Variants in LOC128462377 observed in about 807,000 individuals in gnomAD.
At chr16:89,361,335 G>C in the LOC128462377 span, among the ~76,000 whole-genome samples, 1 of 152,168 alleles carries the variant, frequency 6.6e-6, no homozygotes, top group Non-Finnish European at 1.5e-5. Flanking sequence ...CGGGGGCGGG[G>C]GGTGCTGCAG....
chr16:89,360,044 T>A, the LOC128462377 span, among the ~76,000 whole-genome samples: 1 of 152,112 alleles, frequency 6.6e-6, no homozygotes, highest in Non-Finnish European at 1.5e-5. Flanking sequence ...TTTCTGCTCC[T>A]CTCCCTCCTC....
the LOC128462377 span, chr16:89,396,088 A>C: frequency 6.6e-6 from 1 of 152,244 alleles, no homozygotes; most frequent in South Asian, 2.1e-4. Context: ...AGACAGCTGC[A>C]AGTTCAGCCA....
chr16:89,325,387 A>C, the LOC128462377 span, among the ~76,000 whole-genome samples: 2 of 151,840 alleles, frequency 1.3e-5, no homozygotes, highest in African/African-American at 4.8e-5. Context: ...GCGGTAAGCC[A>C]AGATCATGCC....
At chr16:89,322,855 T>C in the LOC128462377 span, among the ~76,000 whole-genome samples, 1 of 152,222 alleles carries the variant, frequency 6.6e-6, no homozygotes, top group African/African-American at 2.4e-5. Flanking sequence ...TTTTGTTTGT[T>C]TGTTTGTTTG....
At chr16:89,385,487 C>G in the LOC128462377 span, among the ~76,000 whole-genome samples, 1 of 152,118 alleles carries the variant, frequency 6.6e-6, no homozygotes, top group Non-Finnish European at 1.5e-5. Context: ...CAGCACCGGG[C>G]AGAGGGAAGG....
chr16:89,349,812 C>T, the LOC128462377 span, among the ~76,000 whole-genome samples: 1 of 151,136 alleles, frequency 6.6e-6, no homozygotes, highest in African/African-American at 2.4e-5. Context: ...ACTTTAGCTG[C>T]TCTAAAGACA....
the LOC128462377 span, chr16:89,324,144 C>A: frequency 1.0e-6 from 1 of 964,658 alleles, no homozygotes; most frequent in Non-Finnish European, 1.3e-6. Context: ...TCTACTGCAG[C>A]CCTGTTTCCA....
At chr16:89,376,163 G>C in the LOC128462377 span, among the ~76,000 whole-genome samples, 2 of 152,186 alleles carry the variant, frequency 1.3e-5, no homozygotes, top group African/African-American at 4.8e-5. Flanking sequence ...GAAAATGTGT[G>C]GGTGCAGGAT....
the LOC128462377 span, among the ~76,000 whole-genome samples, chr16:89,413,485 C>T: frequency 3.9e-5 from 6 of 152,168 alleles, no homozygotes; most frequent in East Asian, 3.9e-4. Flanking sequence ...ATTAGCCGGG[C>T]GTGGTGGCGG....
chr16:89,320,533 G>C, the LOC128462377 span, among the ~76,000 whole-genome samples: 1 of 152,180 alleles, frequency 6.6e-6, no homozygotes, highest in African/African-American at 2.4e-5. Flanking sequence ...ACCGCCCCCA[G>C]GCCACGCATT....
the LOC128462377 span, among the ~76,000 whole-genome samples, chr16:89,415,836 A>AAAAAAAAAAAAAAAAAAAAAAAC: frequency 7.1e-6 from 1 of 141,098 alleles, no homozygotes; most frequent in Non-Finnish European, 1.5e-5. Flanking sequence ...TCTCAAAAAA[A>AAAAAAAAAAAAAAAAAAAAAAAC]AAAAAAAAAA....
At chr16:89,329,032 G>C in the LOC128462377 span, 1 of 143,404 alleles carries the variant, frequency 7.0e-6, no homozygotes, top group Non-Finnish European at 1.5e-5. Context: ...CCCCTGGTGA[G>C]TGAGTGGACG....
the LOC128462377 span, among the ~76,000 whole-genome samples, chr16:89,341,965 A>G: frequency 6.7e-6 from 1 of 149,150 alleles, no homozygotes; most frequent in Admixed American, 6.7e-5. Flanking sequence ...GCCACGGCCC[A>G]TGGCAGGAGT....
chr16:89,412,070 C>T, the LOC128462377 span, among the ~76,000 whole-genome samples: 2 of 87,976 alleles, frequency 2.3e-5, no homozygotes, highest in African/African-American at 9.8e-5. Context: ...GTCTCCTGGC[C>T]GTGCCCCATC....
chr16:89,371,488 C>T, the LOC128462377 span, among the ~76,000 whole-genome samples: 9 of 152,136 alleles, frequency 5.9e-5, no homozygotes, highest in Non-Finnish European at 1.0e-4. Flanking sequence ...CTCTGGTGCC[C>T]AGGCTATGTG....
chr16:89,358,990 T>C, the LOC128462377 span, among the ~76,000 whole-genome samples: 1,249 of 152,260 alleles, frequency 8.2e-3, 18 homozygotes, highest in African/African-American at 0.029. Flanking sequence ...CACACCTGGC[T>C]AATTTTCTAT....
At chr16:89,416,348 C>G in the LOC128462377 span, among the ~76,000 whole-genome samples, 1 of 151,944 alleles carries the variant, frequency 6.6e-6, no homozygotes, top group Admixed American at 6.6e-5. Context: ...CGCCCAGGCT[C>G]AAGTGCGGTG....
At chr16:89,384,874 G>C in the LOC128462377 span, among the ~76,000 whole-genome samples, 1 of 72,752 alleles carries the variant, frequency 1.4e-5, no homozygotes, top group Non-Finnish European at 2.6e-5. Context: ...ATGAGAAATA[G>C]TTTTCTTTTT....
the LOC128462377 span, among the ~76,000 whole-genome samples, chr16:89,390,277 C>A: frequency 4.8e-4 from 54 of 113,360 alleles, 1 homozygote; most frequent in Admixed American, 2.9e-4. Flanking sequence ...CGGGGAGCAC[C>A]GAGAGAGAAG....
Sources: allele counts gnomAD v4.1 joint callset (sites outside exome capture counted in the v4.1 genomes callset), GRCh38; gene constraint gnomAD v4.1.1; transcripts MANE v1.5.